Variants in LPP observed in about 807,000 individuals in gnomAD.
The protein encoded by LPP is LIM domain containing preferred translocation partner in lipoma.
In LPP, 38 loss-of-function variants were observed where a neutral mutation model predicts 60.4. That is an observed-to-expected ratio of 0.63 (90% CI 0.49 to 0.83). The LOEUF is 0.83. LPP is among the 40% of genes least tolerant of loss of function. The pLI, the probability that LPP is intolerant of heterozygous loss-of-function variation, is 0.00. For synonymous variants in LPP, 328 were observed against 290.8 expected (o/e 1.13, Z -1.30); for missense variants, 902 against 783.6 (o/e 1.15, Z -1.80).
At chr3:188,701,483 T>C (rs150138258) in intron 7 of LPP, among the ~76,000 whole-genome samples, 220 of 152,308 alleles carry the variant, frequency 1.4e-3, no homozygotes, top group South Asian at 0.011. Flanking sequence ...TTTGAGCATA[T>C]TGTATTGCCG....
chr3:188,613,314 A>ACCTATATCTATATCTATATCTATATC (rs1553944283), intron 7 of LPP, among the ~76,000 whole-genome samples: 1 of 144,388 alleles, frequency 6.9e-6, no homozygotes, highest in Non-Finnish European at 1.5e-5. Context: ...CTATATCTAT[A>ACCTATATCTATATCTATATCTATATC]TATATCGCTG....
At chr3:188,233,977 A>G (rs530559042) in intron 2 of LPP, among the ~76,000 whole-genome samples, 15 of 151,582 alleles carry the variant, frequency 9.9e-5, no homozygotes, top group African/African-American at 1.7e-4. Flanking sequence ...GCTCACCCCA[A>G]TCCTAACTTT....
chr3:188,466,266 G>A (rs1800347330), intron 4 of LPP, among the ~76,000 whole-genome samples: 1 of 152,072 alleles, frequency 6.6e-6, no homozygotes, highest in Non-Finnish European at 1.5e-5. Flanking sequence ...GATCTTGCCT[G>A]GAGAATTATT....
chr3:188,345,190 GT>G (rs1764000731), intron 3 of LPP, among the ~76,000 whole-genome samples: 1 of 152,086 alleles, frequency 6.6e-6, no homozygotes, highest in Non-Finnish European at 1.5e-5. Context: ...TCACTTCCTA[GT>G]TCTTAAAAGG....
intron 2 of LPP, among the ~76,000 whole-genome samples, chr3:188,316,565 A>C (rs1369233205): frequency 6.6e-6 from 1 of 152,206 alleles, no homozygotes; most frequent in East Asian, 1.9e-4. Flanking sequence ...ACTTTAGGCT[A>C]AATTTTGCAC....
chr3:188,789,224 C>CA (rs1742905434), intron 9 of LPP, among the ~76,000 whole-genome samples: 1 of 151,584 alleles, frequency 6.6e-6, no homozygotes, highest in Non-Finnish European at 1.5e-5. Flanking sequence ...ACTGGGAAAC[C>CA]AAAAAAATAA....
At chr3:188,777,257 G>A (rs180957157) in intron 9 of LPP, among the ~76,000 whole-genome samples, 1 of 151,958 alleles carries the variant, frequency 6.6e-6, no homozygotes, top group Non-Finnish European at 1.5e-5. Flanking sequence ...ACTAAAACAG[G>A]GTTCTGACAT....
At chr3:188,286,761 G>A (rs757393387) in intron 2 of LPP, among the ~76,000 whole-genome samples, 3 of 151,980 alleles carry the variant, frequency 2.0e-5, no homozygotes, top group Non-Finnish European at 2.9e-5. Context: ...TATTAAGCCT[G>A]GACCATTTCA....
chr3:188,740,030 G>A (rs1210689695), intron 8 of LPP, among the ~76,000 whole-genome samples: 1 of 151,996 alleles, frequency 6.6e-6, no homozygotes, highest in Non-Finnish European at 1.5e-5. Flanking sequence ...TGTTTCTCAA[G>A]AATATGTTCG....
intron 6 of LPP, among the ~76,000 whole-genome samples, chr3:188,574,930 C>A (rs913298080): frequency 6.6e-6 from 1 of 151,446 alleles, no homozygotes; most frequent in Non-Finnish European, 1.5e-5. Context: ...CCCTTTTTTT[C>A]ATCACTGTTA....
At chr3:188,581,680 C>T (rs1349218345) in intron 6 of LPP, among the ~76,000 whole-genome samples, 1 of 152,200 alleles carries the variant, frequency 6.6e-6, no homozygotes, top group Non-Finnish European at 1.5e-5. Flanking sequence ...GCAGCCTCTA[C>T]AGCCCCTGGT....
chr3:188,574,248 A>G (rs1317318618), intron 6 of LPP, among the ~76,000 whole-genome samples: 1 of 152,134 alleles, frequency 6.6e-6, no homozygotes, highest in Non-Finnish European at 1.5e-5. Flanking sequence ...TGACTCACAA[A>G]TCTATTATAG....
At chr3:188,512,489 T>TGG (rs36170908) in intron 5 of LPP, among the ~76,000 whole-genome samples, 90,375 of 151,338 alleles carry the variant, frequency 0.6, 28,941 homozygotes, top group Middle Eastern at 0.73. Context: ...GAGACGGAGG[T>TGG]TTCAATGAGC....
intron 9 of LPP, among the ~76,000 whole-genome samples, chr3:188,856,952 A>G (rs1023170509): frequency 4.6e-5 from 7 of 152,298 alleles, no homozygotes; most frequent in Admixed American, 2.0e-4. Flanking sequence ...TTCATTGGCT[A>G]TGTAAGTAAT....
chr3:188,522,686 G>C (rs1819207044), intron 5 of LPP, among the ~76,000 whole-genome samples: 1 of 150,652 alleles, frequency 6.6e-6, no homozygotes, highest in Admixed American at 6.6e-5. Flanking sequence ...GATTTAAAAG[G>C]GTAGGGGAAT....
At position 188,602,853 on chromosome 3, in the gene LPP, G is replaced by T. The variant is rs77973127; in HGVS notation, c.430-6308G>T. 6.9e-3 allele frequency among the ~76,000 whole-genome samples: 1,045 copies of T among 151,590 alleles called. 67 individuals are homozygous for T. In the East Asian group the frequency reaches 0.14, roughly 20 times the overall value. On this transcript the variant is annotated intron_variant, in intron 6 of 11. Transcript: ENST00000617246. ...TAAATTCTAAACAGTGGTAAAGCTG[G>T]CACTTTTTTTCTCGGTCTCCCAAGT...
intron 3 of LPP, among the ~76,000 whole-genome samples, chr3:188,384,316 G>T (rs13080163): frequency 0.53 from 71,130 of 134,614 alleles, 16,940 homozygotes; most frequent in East Asian, 0.69. Flanking sequence ...AGTTATGGTA[G>T]TGTATGTATG....
At chr3:188,393,999 A>C (rs185665885) in intron 3 of LPP, among the ~76,000 whole-genome samples, 25 of 152,202 alleles carry the variant, frequency 1.6e-4, no homozygotes, top group Admixed American at 3.9e-4. Context: ...GGTTTTATTA[A>C]TTTTTCTATT....
chr3:188,843,201 G>A (rs868817557), intron 9 of LPP, among the ~76,000 whole-genome samples: 13 of 152,246 alleles, frequency 8.5e-5, no homozygotes, highest in African/African-American at 2.9e-4. Flanking sequence ...TCAGTTCTAA[G>A]GGCCTCAGGG....
Sources: allele counts gnomAD v4.1 joint callset (sites outside exome capture counted in the v4.1 genomes callset), GRCh38; gene constraint gnomAD v4.1.1; transcripts MANE v1.5; gene names NCBI Gene and HGNC (gene_info 2026-07-23, HGNC 2026-07-21).